The following MKLN1 variants were observed in gnomAD, a reference collection of about 807,000 sequenced individuals.
MKLN1 encodes the protein muskelin 1, also known as muskelin.
Under a neutral mutation model 99.0 loss-of-function variants are expected in MKLN1, and 18 were observed. The ratio of observed to expected loss-of-function variants is 0.18; its 90% CI spans 0.13 to 0.27. The LOEUF is 0.27. Among genes scored for constraint, MKLN1 ranks in the 10% least tolerant of loss-of-function variants. The probability of loss-of-function intolerance (pLI) is 1.00; values close to 1 mark genes in which losing one functional copy is unlikely to be tolerated. For synonymous variants in MKLN1, 288 were observed against 293.2 expected (o/e 0.98, Z 0.18); for missense variants, 621 against 875.9 (o/e 0.71, Z 3.67).
At chr7:131,432,082 T>C (rs634864) in intron 9 of MKLN1, among the ~76,000 whole-genome samples, 2 of 152,194 alleles carry the variant, frequency 1.3e-5, no homozygotes, top group Non-Finnish European at 2.9e-5. Context: ...TAATGATTGG[T>C]TTATATTCAT....
intron 3 of MKLN1, among the ~76,000 whole-genome samples, chr7:131,289,045 GA>G (rs1798176548): frequency 6.6e-6 from 1 of 152,028 alleles, no homozygotes; most frequent in South Asian, 2.1e-4. Flanking sequence ...GGCTAGTCTT[GA>G]ACTCCTGGGC....
At chr7:131,292,362 A>G (rs1798232799) in intron 3 of MKLN1, among the ~76,000 whole-genome samples, 1 of 152,230 alleles carries the variant, frequency 6.6e-6, no homozygotes, top group African/African-American at 2.4e-5. Context: ...TCATCTGTAG[A>G]TGATAAAGCC....
chr7:131,123,052 G>A (rs976780985), intron 1 of MKLN1, among the ~76,000 whole-genome samples: 9 of 96,948 alleles, frequency 9.3e-5, no homozygotes, highest in African/African-American at 1.2e-4. Context: ...AAAAAAAAGT[G>A]TTGCTGCTAT....
chr7:131,427,801 G>A (rs1795401960), intron 8 of MKLN1, among the ~76,000 whole-genome samples: 1 of 152,152 alleles, frequency 6.6e-6, no homozygotes, highest in South Asian at 2.1e-4. Context: ...TGATCCACCT[G>A]CCTCAGCCCC....
At chr7:131,445,270 C>T (rs1272075245) in intron 11 of MKLN1, among the ~76,000 whole-genome samples, 2 of 151,810 alleles carry the variant, frequency 1.3e-5, no homozygotes, top group African/African-American at 4.8e-5. Context: ...AAAGCATATA[C>T]ATTGTTCTAA....
intron 3 of MKLN1, among the ~76,000 whole-genome samples, chr7:131,231,788 G>A (rs1413562986): frequency 6.6e-6 from 1 of 152,170 alleles, no homozygotes; most frequent in Non-Finnish European, 1.5e-5. Context: ...TCAGAGAAGG[G>A]GGAGGTTGAA....
intron 1 of MKLN1, among the ~76,000 whole-genome samples, chr7:131,135,975 C>T (rs562541263): frequency 2.0e-5 from 3 of 152,188 alleles, no homozygotes; most frequent in South Asian, 4.2e-4. Context: ...CAAAGCTTTG[C>T]GTAAGTGACA....
chr7:131,319,265 T>C (rs1176651602), intron 3 of MKLN1, among the ~76,000 whole-genome samples: 1 of 152,226 alleles, frequency 6.6e-6, no homozygotes, highest in Non-Finnish European at 1.5e-5. Context: ...GTTGGCTTCA[T>C]CATTGGGGTG....
intron 3 of MKLN1, among the ~76,000 whole-genome samples, chr7:131,209,880 A>G (rs1430808880): frequency 6.6e-6 from 1 of 152,142 alleles, no homozygotes; most frequent in Non-Finnish European, 1.5e-5. Flanking sequence ...TATGGCAGCC[A>G]TCTTCTGACT....
chr7:131,474,944 GGA>G (rs1410495600), intron 16 of MKLN1, among the ~76,000 whole-genome samples: 2 of 152,094 alleles, frequency 1.3e-5, no homozygotes, highest in Non-Finnish European at 2.9e-5. Flanking sequence ...CATGATGGCA[GGA>G]GAGAGAGTGA....
intron 14 of MKLN1, among the ~76,000 whole-genome samples, chr7:131,464,881 T>G (rs1004230950): frequency 6.6e-6 from 1 of 152,226 alleles, no homozygotes; most frequent in Admixed American, 6.5e-5. Flanking sequence ...GTTGTGAATT[T>G]TTAGTGTCAT....
rs201057774 is a variant in MKLN1, at chr7:131,241,346, C to T, written c.-179+38372C>T. 3.4e-5 allele frequency among the ~76,000 whole-genome samples: 5 copies of T among 148,322 alleles called. No individual in the cohort carries two copies. The East Asian group carries it at 9.9e-4, about 29-fold the overall frequency. On this transcript the variant is annotated intron_variant, in intron 3 of 7. Coordinates refer to the MKLN1 transcript ENST00000416992. ...TGAGCCGAGATTGCACCACTGCACTCCAGCCTGGAAGACAGAAGGAGACTC... is the reference window on the plus strand; with the variant it reads ...TGAGCCGAGATTGCACCACTGCACTTCAGCCTGGAAGACAGAAGGAGACTC...
chr7:131,312,116 G>A (rs35026077), intron 3 of MKLN1, among the ~76,000 whole-genome samples: 68,028 of 151,636 alleles, frequency 0.45, 16,752 homozygotes, highest in Admixed American at 0.59. Context: ...TCTGCCTCCC[G>A]GGTTCAAGTG....
rs530889321 is a variant in MKLN1 at position 131,484,730 on chromosome 7, T to C, written c.2087-2877T>C. Among the ~76,000 whole-genome samples the C allele has an allele frequency of 9.4e-4, 143 of 152,284 alleles. 1 individual carries two copies. Among genetic ancestry groups the C allele is most frequent in the African/African-American group, 3.4e-3 (141 of 41,568 alleles). The stretch of plus-strand genomic sequence containing the variant: ...AGTACAGTGCTTAGACTGTATACTT[T>C]CAGTGAGGTATAGTCTACAAACAAA... On this transcript the variant is annotated intron_variant, in intron 17 of 17. Coordinates refer to ENST00000352689, the MANE Select transcript of MKLN1 (RefSeq NM_013255.5).
At chr7:131,333,064 C>G (rs1799126167) in intron 1 of MKLN1, among the ~76,000 whole-genome samples, 1 of 152,162 alleles carries the variant, frequency 6.6e-6, no homozygotes, top group South Asian at 2.1e-4. Context: ...GCTGGTATTA[C>G]AGGCGTGCAC....
chr7:131,388,813 C>A, intron 3 of MKLN1, 71 bp from the exon 4 acceptor site: 2 of 929,422 alleles, frequency 2.2e-6, no homozygotes, highest in Non-Finnish European at 3.4e-6. Context: ...CCTGAGTGTG[C>A]ATTAATTCGT....
chr7:131,121,153 A>C (rs1297390588), intron 1 of MKLN1, among the ~76,000 whole-genome samples: 1 of 152,170 alleles, frequency 6.6e-6, no homozygotes, highest in Non-Finnish European at 1.5e-5. Context: ...GACAGGGTGA[A>C]GGGGGAAGTG....
intron 3 of MKLN1, among the ~76,000 whole-genome samples, chr7:131,224,770 C>T (rs1266458875): frequency 1.3e-5 from 2 of 151,672 alleles, no homozygotes; most frequent in Non-Finnish European, 2.9e-5. Context: ...GGATAACAGG[C>T]TCCTTGAAAT....
At chr7:131,143,408 G>C (rs1236097377) in intron 2 of MKLN1, among the ~76,000 whole-genome samples, 1 of 152,176 alleles carries the variant, frequency 6.6e-6, no homozygotes, top group Non-Finnish European at 1.5e-5. Context: ...AGAAGTTGCA[G>C]CGAGCCAAGA....
Sources: gnomAD v4.1 joint callset for allele counts (sites outside exome capture counted in the v4.1 genomes callset) on GRCh38, gnomAD v4.1.1 for gene constraint, MANE v1.5 for transcripts, NCBI Gene and HGNC (gene_info 2026-07-23, HGNC 2026-07-21) for gene names.